The following TNKS variants were observed in gnomAD, a reference collection of about 807,000 sequenced individuals.
TNKS encodes poly [ADP-ribose] polymerase tankyrase-1.
TNKS carries 72 observed loss-of-function variants against 135.8 expected under a neutral mutation model. The ratio of observed to expected loss-of-function variants is 0.53; its 90% CI spans 0.44 to 0.64. TNKS has a LOEUF of 0.64. TNKS is among the 30% of genes least tolerant of loss of function. The pLI is 0.00. For synonymous variants in TNKS, 849 were observed against 649.3 expected, an observed-to-expected ratio of 1.31 and a Z score of -4.68; for missense variants, 1,769 against 1,674.0, an observed-to-expected ratio of 1.06 and a Z score of -0.99.
chr8:9,570,148 A>G (rs1001861877), intron 1 of TNKS, among the ~76,000 whole-genome samples: 4 of 152,170 alleles, frequency 2.6e-5, no homozygotes, highest in Non-Finnish European at 5.9e-5. Context: ...CATTTATTGA[A>G]TAATAAATAT....
chr8:9,648,996 G>C (rs978943410), intron 3 of TNKS, among the ~76,000 whole-genome samples: 1 of 152,024 alleles, frequency 6.6e-6, no homozygotes, highest in Admixed American at 6.6e-5. Context: ...AGAAAGTAGT[G>C]TCATACATAA....
At chr8:9,689,119 C>G (rs1334565490) in intron 5 of TNKS, among the ~76,000 whole-genome samples, 1 of 152,140 alleles carries the variant, frequency 6.6e-6, no homozygotes, top group Admixed American at 6.5e-5. Context: ...AGTCAATAAA[C>G]CTGGTTATTT....
chr8:9,600,624 T>A (rs1486742049), intron 2 of TNKS, among the ~76,000 whole-genome samples: 2 of 152,160 alleles, frequency 1.3e-5, no homozygotes, highest in African/African-American at 4.8e-5. Flanking sequence ...TGAACTTTTT[T>A]TTAAAAAAGA....
chr8:9,711,871 C>T (rs1563184180), intron 11 of TNKS, among the ~76,000 whole-genome samples: 1 of 152,132 alleles, frequency 6.6e-6, no homozygotes. Context: ...GTCATATCTA[C>T]ATAATTTAAA....
At position 9,698,985 on chromosome 8, in the gene TNKS, T is replaced by C. The variant is rs549546813; in HGVS notation, c.1108-5678T>C. ...GAATAATATTTAGATAGCTTTTGTA[T>C]TTGTGTCTGTTCCATAATTTACTTT... On this transcript the variant is annotated intron_variant, in intron 5 of 26. Transcript: ENST00000310430. Among the ~76,000 whole-genome samples the C allele has an allele frequency of 2.0e-4, 31 of 152,356 alleles. No individual in the cohort carries two copies. In the South Asian group the frequency reaches 3.3e-3, roughly 16 times the overall value.
intron 26 of TNKS, among the ~76,000 whole-genome samples, chr8:9,773,839 C>T (rs1018432375): frequency 2.0e-5 from 3 of 152,150 alleles, no homozygotes; most frequent in East Asian, 1.9e-4. Context: ...TTAACTCTAG[C>T]GTCTGCTAAT....
chr8:9,706,976 G>C lies in TNKS; in HGVS notation c.1435G>C (p.Glu479Gln). 1.9e-6 allele frequency: 3 copies of C among 1,598,308 alleles called. No individual in the cohort carries two copies. Among genetic ancestry groups the C allele is most frequent in the African/African-American group, 1.3e-5 (1 of 74,144 alleles). Residue 479 changes from glutamate (E) to glutamine (Q), a missense_variant, in exon 8 of 27, where the codon GAG becomes CAG. Physicochemically the swap from Glu to Gln is conservative, Grantham distance 29. Transcript: ENST00000310430. ...KSAVDMAPTP[E>Q]LRERLTYEFK... ...TGCTGTGGATATGGCTCCAACTCCG[G>C]AGCTTAGGGAGAGATTGACTTGTAC... is the stretch of plus-strand genomic sequence containing the variant.
chr8:9,593,517 A>G (rs550797571), intron 2 of TNKS, among the ~76,000 whole-genome samples: 1 of 152,202 alleles, frequency 6.6e-6, no homozygotes, highest in Non-Finnish European at 1.5e-5. Flanking sequence ...ACCGTATCAT[A>G]TTTAGCAAAC....
chr8:9,566,702 G>A (rs868026642), intron 1 of TNKS, among the ~76,000 whole-genome samples: 2 of 144,372 alleles, frequency 1.4e-5, no homozygotes, highest in South Asian at 2.3e-4. Context: ...TCCGCCTCCC[G>A]GGTTCACGCC....
intron 7 of TNKS, 90 bp from the exon 8 acceptor site, chr8:9,706,721 C>A: frequency 7.9e-7 from 1 of 1,265,440 alleles, no homozygotes; most frequent in Admixed American, 2.8e-5. Context: ...CAAGTTATAA[C>A]TGAAATTTAC....
chr8:9,653,114 A>G (rs1281370484), intron 3 of TNKS, among the ~76,000 whole-genome samples: 2 of 152,216 alleles, frequency 1.3e-5, no homozygotes, highest in Non-Finnish European at 2.9e-5. Flanking sequence ...GGGGAAGGGA[A>G]GAAAGATTAA....
In TNKS at chr8:9,708,382, G is replaced by A; in HGVS notation, c.1468G>A (p.Gly490Ser). The A allele has an allele frequency of 2.5e-6, 4 of 1,600,778 alleles. No homozygotes were observed. The highest frequency in any genetic ancestry group is 3.4e-6 in the Non-Finnish European group (4 of 1,173,556). Residue 490 changes from glycine (G) to serine (S), a missense_variant, in exon 9 of 27, where the codon GGT (glycine) becomes AGT (serine). Coordinates refer to ENST00000310430, the MANE Select transcript of TNKS (RefSeq NM_003747.3). ...LRERLTYEFK[G>S]HSLLQAAREA... Reference sequence around the variant, plus strand: ...TGTTTCATTGACAGATGAATTTAAAGGTCATTCTTTACTACAAGCAGCCAG... The same window carrying A: ...TGTTTCATTGACAGATGAATTTAAAAGTCATTCTTTACTACAAGCAGCCAG...
chr8:9,757,617 C>T (rs888178152), intron 20 of TNKS, among the ~76,000 whole-genome samples: 32 of 152,094 alleles, frequency 2.1e-4, no homozygotes, highest in African/African-American at 7.5e-4. Context: ...AAGCAGGTCA[C>T]CTTCACGAGA....
intron 1 of TNKS, among the ~76,000 whole-genome samples, chr8:9,574,585 A>C (rs1218765763): frequency 6.6e-6 from 1 of 152,222 alleles, no homozygotes; most frequent in Non-Finnish European, 1.5e-5. Context: ...GGTTTCCCAC[A>C]TACTTACAAT....
chr8:9,633,863 G>C (rs1800393527), intron 3 of TNKS, among the ~76,000 whole-genome samples: 1 of 152,148 alleles, frequency 6.6e-6, no homozygotes, highest in Non-Finnish European at 1.5e-5. Flanking sequence ...TAAGCCTTGA[G>C]ATGAGATATG....
intron 1 of TNKS, chr8:9,557,507 C>T (rs1815375510): frequency 6.6e-6 from 1 of 151,564 alleles, no homozygotes; most frequent in Non-Finnish European, 1.5e-5. Flanking sequence ...CATAATCTCA[C>T]TGCCTGGATA....
At chr8:9,652,183 A>G (rs2128781605) in intron 3 of TNKS, among the ~76,000 whole-genome samples, 1 of 152,306 alleles carries the variant, frequency 6.6e-6, no homozygotes, top group East Asian at 1.9e-4. Context: ...TCAGATAGAT[A>G]TTTGTATGAC....
At chr8:9,654,836 C>T (rs768467387) in intron 3 of TNKS, among the ~76,000 whole-genome samples, 5 of 152,164 alleles carry the variant, frequency 3.3e-5, no homozygotes, top group African/African-American at 9.7e-5. Flanking sequence ...AGAAGACGGG[C>T]GATTTCTGCA....
At chr8:9,660,065 C>T (rs1801621671) in intron 3 of TNKS, among the ~76,000 whole-genome samples, 1 of 151,848 alleles carries the variant, frequency 6.6e-6, no homozygotes. Context: ...AATAGACCAA[C>T]AACAGGCTCT....
Sources: allele counts gnomAD v4.1 joint callset (sites outside exome capture counted in the v4.1 genomes callset), GRCh38; gene constraint gnomAD v4.1.1; transcripts MANE v1.5; gene names NCBI Gene and HGNC (gene_info 2026-07-23, HGNC 2026-07-21).